HELZ2: variants seen among roughly 807,000 people sequenced by gnomAD.
HELZ2 encodes helicase with zinc finger 2, also known as 3'-5' exoribonuclease HELZ2.
A neutral mutation model predicts 208.8 loss-of-function variants in HELZ2; 143 were observed. That is an observed-to-expected ratio of 0.68 (90% CI 0.60 to 0.79). The LOEUF is 0.79. Ranked by LOEUF, HELZ2 falls within the 30% of genes least tolerant of loss-of-function variation. The pLI is 0.00. For synonymous variants in HELZ2, 1,705 were observed against 1,693.7 expected (o/e 1.01, Z -0.16); for missense variants, 3,690 against 3,794.5 (o/e 0.97, Z 0.72).
Position 63,570,670 on chromosome 20 carries a change from C to T in HELZ2, c.462+15G>A, listed in dbSNP as rs1340317551. Reference sequence around the variant, plus strand: ...GGACCCCACCCCACCCCACCCACTCCCAGGGCCCACTTACCACAAGGACCT... The same window carrying T: ...GGACCCCACCCCACCCCACCCACTCTCAGGGCCCACTTACCACAAGGACCT... On this transcript the variant is annotated intron_variant, in intron 2 of 18. Coordinates refer to ENST00000467148, the Ensembl canonical transcript of HELZ2. 1 of 1,581,360 alleles carries T rather than the reference C, an allele frequency of 6.3e-7. No individual in the cohort carries two copies. Among genetic ancestry groups the T allele is most frequent in the South Asian group, 1.1e-5 (1 of 88,680 alleles).
exon 5 of HELZ2, chr20:63,568,594 C>T (rs2082987737): frequency 1.3e-6 from 2 of 1,595,578 alleles, no homozygotes; most frequent in Non-Finnish European, 1.7e-6. Context: ...CGCAGGTGGG[C>T]AAGTCGGGCA....
exon 6 of HELZ2, chr20:63,567,489 C>T: frequency 5.8e-6 from 9 of 1,556,676 alleles, no homozygotes; most frequent in Non-Finnish European, 7.8e-6. Flanking sequence ...GGTCGTCGGT[C>T]AGGCAACAGT....
exon 8 of HELZ2, chr20:63,564,344 G>A (rs1422601137): frequency 6.3e-7 from 1 of 1,577,418 alleles, no homozygotes; most frequent in Non-Finnish European, 8.6e-7. Flanking sequence ...CAGCAGCCGA[G>A]AGAAGTAGCA....
exon 8 of HELZ2, chr20:63,565,733 A>G (rs1398956516): frequency 6.2e-7 from 1 of 1,604,548 alleles, no homozygotes; most frequent in Non-Finnish European, 8.5e-7. Context: ...GTCTTCCTTC[A>G]CTGCGTCTCC....
intron 2 of HELZ2, 36 bp from the exon 4 acceptor site, chr20:63,570,647 A>ACCCCCCCCCCCCCCCCC: frequency 6.7e-7 from 1 of 1,497,368 alleles, no homozygotes. Flanking sequence ...AGAGGCCTGG[A>ACCCCCCCCCCCCCCCCC]CCCCACCCCA....
chr20:63,572,552 G>A (rs2083025915), upstream of HELZ2: 1 of 702,536 alleles, frequency 1.4e-6, no homozygotes, highest in Non-Finnish European at 2.3e-6. Flanking sequence ...GGCCAGGAGG[G>A]AGGGGCAGGC....
chr20:63,565,509 G>T (rs537105833), exon 8 of HELZ2: 2 of 1,606,416 alleles, frequency 1.2e-6, no homozygotes, highest in East Asian at 4.5e-5. Flanking sequence ...CGGGCCTGCT[G>T]CAGGGACTCG....
chr20:63,559,772 A>G (rs113803952), intron 18 of HELZ2, among the ~76,000 whole-genome samples, 156 bp downstream of exon 19: 1,545 of 74,206 alleles, frequency 0.021, 151 homozygotes, highest in East Asian at 0.095. Flanking sequence ...TCAGGGTCAG[A>G]TGGGAGTCAG....
intron 18 of HELZ2, 49 bp downstream of exon 19, chr20:63,559,879 C>G: frequency 6.3e-7 from 1 of 1,590,386 alleles, no homozygotes; most frequent in Non-Finnish European, 8.5e-7. Context: ...TAGCCCAGCC[C>G]TGGCCTCACC....
exon 8 of HELZ2, chr20:63,563,082 C>G: frequency 6.3e-7 from 1 of 1,598,580 alleles, no homozygotes; most frequent in African/African-American, 1.3e-5. Context: ...TCCACGTGCT[C>G]CAGGCAGAGG....
chr20:63,568,724 A>T lies in HELZ2; in HGVS notation c.1364T>A (p.Leu455Ter). Reference sequence around the variant, plus strand: ...GGCCTCAGGCTGCAGCCCCAGGGCCAAGCAGCAGCGGGCCGGAAGCAGCAG... The same window carrying T: ...GGCCTCAGGCTGCAGCCCCAGGGCCTAGCAGCAGCGGGCCGGAAGCAGCAG... Residue 455 changes from leucine to a stop codon, truncating the protein, a stop_gained, in exon 5 of 19, where the codon TTG becomes TAG. Coordinates refer to ENST00000467148, the Ensembl canonical transcript of HELZ2. LOFTEE classifies it high-confidence loss of function. 1 of 1,605,988 alleles carries T rather than the reference A, an allele frequency of 6.2e-7. No individual in the cohort carries two copies. Among genetic ancestry groups the T allele is most frequent in the Non-Finnish European group, 8.5e-7 (1 of 1,178,886 alleles).
exon 8 of HELZ2, chr20:63,564,478 G>A (rs115280857): frequency 6.8e-5 from 108 of 1,583,692 alleles, no homozygotes; most frequent in East Asian, 9.2e-5. Context: ...ACTGGACCAC[G>A]GAGGGTGCAA....
chr20:63,560,256 G>A (rs750050563), exon 17 of HELZ2: 37 of 1,563,366 alleles, frequency 2.4e-5, no homozygotes, highest in Non-Finnish European at 3.0e-5. Context: ...CCTGCGCGTT[G>A]TAGGGCGTGA....
At chr20:63,564,897 G>A (rs770307785) in exon 8 of HELZ2, 5 of 1,612,054 alleles carry the variant, frequency 3.1e-6, no homozygotes, top group East Asian at 2.2e-5. Context: ...TCCGACGGGG[G>A]CACCCTCAAG....
chr20:63,572,584 C>G, upstream of HELZ2: 1 of 580,948 alleles, frequency 1.7e-6, no homozygotes, highest in Non-Finnish European at 3.0e-6. Context: ...GGCACTGCCC[C>G]TGGGGGTCCA....
exon 8 of HELZ2, chr20:63,562,939 A>C: frequency 6.3e-7 from 1 of 1,591,906 alleles, no homozygotes. Flanking sequence ...TGACGGAGTC[A>C]TTCTCGGCAA....
exon 2 of HELZ2, chr20:63,570,693 C>G: frequency 6.6e-7 from 1 of 1,508,252 alleles, no homozygotes; most frequent in South Asian, 1.1e-5. Flanking sequence ...ACCACAAGGA[C>G]CTCACTGCTG....
chr20:63,567,612 G>A (rs368514761), exon 6 of HELZ2: 18 of 1,600,552 alleles, frequency 1.1e-5, no homozygotes, highest in Non-Finnish European at 1.5e-5. Flanking sequence ...ACTCCCGGAT[G>A]TAGATGTCGG....
chr20:63,569,647 C>T, exon 4 of HELZ2: 1 of 1,537,048 alleles, frequency 6.5e-7, no homozygotes, highest in Non-Finnish European at 8.8e-7. Flanking sequence ...TTCAGCAGGG[C>T]CACGTGTAGC....
Sources: gnomAD v4.1 joint callset for allele counts (sites outside exome capture counted in the v4.1 genomes callset) on GRCh38, gnomAD v4.1.1 for gene constraint, MANE v1.5 for transcripts, NCBI Gene and HGNC (gene_info 2026-07-23, HGNC 2026-07-21) for gene names.